The following SEC24B variants were observed in gnomAD, a reference collection of about 807,000 sequenced individuals.
SEC24B encodes the protein protein transport protein Sec24B.
SEC24B carries 45 observed loss-of-function variants against 142.8 expected under a neutral mutation model. That is an observed-to-expected ratio of 0.32 (90% CI 0.25 to 0.40). SEC24B has a LOEUF of 0.40. SEC24B is among the 10% of genes least tolerant of loss of function. The pLI is 1.00. For synonymous variants in SEC24B, 574 were observed against 568.2 expected (o/e 1.01, Z -0.15); for missense variants, 1,409 against 1,526.8 (o/e 0.92, Z 1.29).
chr4:109,524,696 C>T, intron 14 of SEC24B, 122 bp from the exon 15 acceptor site: 1 of 775,102 alleles, frequency 1.3e-6, no homozygotes, highest in Non-Finnish European at 2.0e-6. Flanking sequence ...CACCAAATGC[C>T]TAGACATTTA....
intron 1 of SEC24B, among the ~76,000 whole-genome samples, chr4:109,446,930 A>G (rs1381351499): frequency 1.3e-5 from 2 of 152,216 alleles, no homozygotes; most frequent in African/African-American, 4.8e-5. Flanking sequence ...GCTAAGAGCA[A>G]ACTAGACTGA....
chr4:109,471,435 A>G (rs1282475420), intron 2 of SEC24B, among the ~76,000 whole-genome samples: 2 of 152,160 alleles, frequency 1.3e-5, no homozygotes, highest in Non-Finnish European at 2.9e-5. Context: ...ATGAGCAACC[A>G]CACCCGACCC....
chr4:109,487,603 T>A (rs1029637229), intron 4 of SEC24B, among the ~76,000 whole-genome samples: 7 of 152,274 alleles, frequency 4.6e-5, no homozygotes, highest in Non-Finnish European at 1.0e-4. Flanking sequence ...AATCAGGTAC[T>A]GTTTTATAAA....
chr4:109,437,718 G>C (rs1728537763), intron 1 of SEC24B, among the ~76,000 whole-genome samples: 1 of 152,178 alleles, frequency 6.6e-6, no homozygotes, highest in South Asian at 2.1e-4. Flanking sequence ...TCCACCTCCT[G>C]GGTTCAAGCG....
chr4:109,467,604 A>T (rs1732088139), intron 2 of SEC24B, among the ~76,000 whole-genome samples: 1 of 152,196 alleles, frequency 6.6e-6, no homozygotes. Context: ...TTTTGACAGC[A>T]AGATGAGTAC....
chr4:109,529,629 C>T (rs1012362603), intron 18 of SEC24B, among the ~76,000 whole-genome samples: 1 of 151,988 alleles, frequency 6.6e-6, no homozygotes, highest in Non-Finnish European at 1.5e-5. Context: ...ATTGGTTGAG[C>T]AGAAAAAAAT....
intron 19 of SEC24B, among the ~76,000 whole-genome samples, chr4:109,530,895 C>CAAAA (rs35997146): frequency 0.013 from 605 of 46,134 alleles, no homozygotes; most frequent in African/African-American, 0.021. Flanking sequence ...GACTCCGTCT[C>CAAAA]AAAAAAAAAA....
At chr4:109,518,509 C>A (rs1723224266) in intron 11 of SEC24B, among the ~76,000 whole-genome samples, 1 of 152,148 alleles carries the variant, frequency 6.6e-6, no homozygotes, top group African/African-American at 2.4e-5. Context: ...TTGAAGAGTC[C>A]TTGCCCTGTT....
At position 109,433,821 on chromosome 4, in the gene SEC24B, C is replaced by A; in HGVS notation, c.-49C>A. ...TCCTCTCCGGCCCCGCCTTCCCTTCCCTCCGCCCACCTCCCTGAAGCGGAG... is the reference window on the plus strand; with the variant it reads ...TCCTCTCCGGCCCCGCCTTCCCTTCACTCCGCCCACCTCCCTGAAGCGGAG... On this transcript the variant is annotated 5_prime_UTR_variant, in exon 1 of 24. Coordinates refer to ENST00000265175, the MANE Select transcript of SEC24B (RefSeq NM_006323.5). The A allele has an allele frequency of 8.1e-7, 1 of 1,232,798 alleles. No individual in the cohort carries two copies. Among genetic ancestry groups the A allele is most frequent in the South Asian group, 2.8e-5 (1 of 36,358 alleles). 76.4% of individuals were successfully genotyped at this position (1,232,798 alleles called of 1,614,324 possible).
At position 109,494,709 on chromosome 4, in the gene SEC24B, T is replaced by C. The variant is rs772691316; in HGVS notation, c.1341T>C (p.Pro447=). Residue 447 remains proline, a synonymous_variant, in exon 6 of 24, where the codon CCT becomes CCC. Coordinates refer to ENST00000265175, the MANE Select transcript of SEC24B (RefSeq NM_006323.5). Reference sequence around the variant, plus strand: ...CAGCTCCAGCTTCAGCTCCAGCTCCTGTCGTCCCTCAGCCTTCAAAAATGG... The same window carrying C: ...CAGCTCCAGCTTCAGCTCCAGCTCCCGTCGTCCCTCAGCCTTCAAAAATGG... ...SAPAPASAPA[P]VVPQPSKMAK... 6.2e-7 allele frequency: 1 copy of C among 1,614,016 alleles called. No individual in the cohort carries two copies. The highest frequency in any genetic ancestry group is 8.5e-7 in the Non-Finnish European group (1 of 1,179,844).
At chr4:109,518,189 G>A (rs1304746408) in intron 11 of SEC24B, among the ~76,000 whole-genome samples, 1 of 152,094 alleles carries the variant, frequency 6.6e-6, no homozygotes, top group East Asian at 1.9e-4. Context: ...AATGGAAATA[G>A]CAAGTATAGG....
chr4:109,533,953 T>C (rs1725208426), intron 22 of SEC24B, among the ~76,000 whole-genome samples: 1 of 152,186 alleles, frequency 6.6e-6, no homozygotes, highest in South Asian at 2.1e-4. Flanking sequence ...GGATATGTTA[T>C]ATAAATGGTA....
In SEC24B at chr4:109,463,364, C is replaced by G; in HGVS notation, c.597C>G (p.Pro199=). Residue 199 remains proline, a synonymous_variant, in exon 2 of 24, where the codon CCC becomes CCG. Transcript: ENST00000265175. ...CCGCGTATCCTAGTGTTTCATATCC[C>G]TCTCTGCCTGCTGGTGATACATATG... is the stretch of plus-strand genomic sequence containing the variant. The part of the protein sequence containing the change: ...SNAAYPSVSY[P]SLPAGDTYGQ... 1 of 1,614,206 alleles carries G rather than the reference C, an allele frequency of 6.2e-7. No individual in the cohort carries two copies. The highest frequency in any genetic ancestry group is 8.5e-7 in the Non-Finnish European group (1 of 1,180,034).
Position 109,480,638 on chromosome 4 carries a change from G to A in SEC24B, c.1061-1039G>A, listed in dbSNP as rs1329553334. ...TGGGACTACAGGCGTGCGCCACCACGCCCAGCTAATTTTTGTATTTTTAGT... is the reference window on the plus strand; with the variant it reads ...TGGGACTACAGGCGTGCGCCACCACACCCAGCTAATTTTTGTATTTTTAGT... On this transcript the variant is annotated intron_variant, in intron 3 of 23. Coordinates refer to ENST00000265175, the MANE Select transcript of SEC24B (RefSeq NM_006323.5). Among the ~76,000 whole-genome samples the A allele has an allele frequency of 3.3e-5, 5 of 151,896 alleles. No individual in the cohort carries two copies. The South Asian group carries it at 8.3e-4, about 25-fold the overall frequency.
chr4:109,526,896 C>G (rs1323356048), intron 17 of SEC24B, among the ~76,000 whole-genome samples: 2 of 152,140 alleles, frequency 1.3e-5, no homozygotes, highest in Non-Finnish European at 1.5e-5. Flanking sequence ...GTGATGTAAT[C>G]TAGCCAAAAC....
At chr4:109,511,840 A>G (rs779014093) in intron 8 of SEC24B, 117 bp from the exon 9 acceptor site, 77 of 1,043,210 alleles carry the variant, frequency 7.4e-5, no homozygotes, top group Non-Finnish European at 9.6e-5. Flanking sequence ...ATGCTTCCAT[A>G]TAAAACCACA....
chr4:109,464,991 A>T (rs1731709651), intron 2 of SEC24B, among the ~76,000 whole-genome samples: 1 of 152,198 alleles, frequency 6.6e-6, no homozygotes, highest in Non-Finnish European at 1.5e-5. Context: ...TTATAGAAAC[A>T]AGATACTTCT....
chr4:109,453,745 A>G (rs900528022), intron 1 of SEC24B, among the ~76,000 whole-genome samples: 9 of 152,184 alleles, frequency 5.9e-5, no homozygotes, highest in African/African-American at 2.2e-4. Flanking sequence ...AGATGAAAGG[A>G]TTAAGAGGGC....
chr4:109,534,212 T>G (rs1421137790), intron 22 of SEC24B, among the ~76,000 whole-genome samples: 1 of 152,020 alleles, frequency 6.6e-6, no homozygotes, highest in African/African-American at 2.4e-5. Flanking sequence ...CAAAATAACT[T>G]TCAAATGGAT....
Sources: gnomAD v4.1 joint callset for allele counts (sites outside exome capture counted in the v4.1 genomes callset) on GRCh38, gnomAD v4.1.1 for gene constraint, MANE v1.5 for transcripts, NCBI Gene and HGNC (gene_info 2026-07-23, HGNC 2026-07-21) for gene names.